Variants in WASHC5 observed in about 807,000 individuals in gnomAD.
The protein encoded by WASHC5 is WASH complex subunit 5.
WASHC5 carries 101 observed loss-of-function variants against 150.4 expected under a neutral mutation model. The ratio of observed to expected loss-of-function variants is 0.67; its 90% CI spans 0.57 to 0.79. WASHC5 has a LOEUF of 0.79. WASHC5 is among the 30% of genes least tolerant of loss of function. The pLI is 0.00. For synonymous variants in WASHC5, 467 were observed against 491.2 expected (o/e 0.95, Z 0.65); for missense variants, 1,195 against 1,396.3 (o/e 0.86, Z 2.30).
At chr8:125,059,322 G>A in intron 13 of WASHC5, 25 bp from the exon 14 acceptor site, 1 of 1,613,440 alleles carries the variant, frequency 6.2e-7, no homozygotes, top group South Asian at 1.1e-5. Flanking sequence ...GAAACGGTAA[G>A]AAGATGTTCC....
Position 125,082,461 on chromosome 8 carries a change from T to C in WASHC5, c.339A>G (p.Leu113=), listed in dbSNP as rs1563636630. The change falls in exon 4 of 29, where the codon CTA becomes CTG. Residue 113 remains leucine (L), a synonymous_variant. Coordinates refer to ENST00000318410, the MANE Select transcript of WASHC5 (RefSeq NM_014846.4). ...TATAAACCCCTTCATTGAGATCATC[T>C]AGATATCTAGAAATAAAACCACAGT... is the stretch of plus-strand genomic sequence containing the variant. ...HKYIVDLNRY[L]DDLNEGVYIQ... 2.6e-6 allele frequency: 4 copies of C among 1,532,056 alleles called. No individual in the cohort carries two copies. The highest frequency in any genetic ancestry group is 1.4e-5 in the African/African-American group (1 of 73,474). The allele number at this position is 1,532,056 out of a possible 1,614,324, so 94.9% of individuals were successfully genotyped here.
intron 17 of WASHC5, among the ~76,000 whole-genome samples, chr8:125,051,815 A>G (rs1475083424): frequency 1.3e-5 from 2 of 152,212 alleles, no homozygotes; most frequent in Non-Finnish European, 2.9e-5. Context: ...TGAACTCGGG[A>G]GGAGGAGGTT....
At chr8:125,035,145 C>A (rs1815661656) in intron 26 of WASHC5, among the ~76,000 whole-genome samples, 1 of 152,164 alleles carries the variant, frequency 6.6e-6, no homozygotes, top group African/African-American at 2.4e-5. Context: ...CTCAGTCCTA[C>A]TGTAATTTAG....
At chr8:125,086,219 G>A (rs1369598900) in intron 1 of WASHC5, among the ~76,000 whole-genome samples, 1 of 152,190 alleles carries the variant, frequency 6.6e-6, no homozygotes. Flanking sequence ...AGATCAAGGT[G>A]TTGGTAGGAC....
chr8:125,037,411 T>C, intron 25 of WASHC5, 78 bp from the exon 26 acceptor site: 1 of 917,232 alleles, frequency 1.1e-6, no homozygotes, highest in South Asian at 1.3e-5. Flanking sequence ...CAAATGAAAA[T>C]CTTCCATTTT....
intron 6 of WASHC5, among the ~76,000 whole-genome samples, chr8:125,077,901 A>AAACAAC (rs765826179): frequency 6.6e-6 from 1 of 152,026 alleles, no homozygotes; most frequent in Admixed American, 6.5e-5. Context: ...AATTGTCTTA[A>AAACAAC]AACAACAACA....
At chr8:125,066,583 G>A (rs949350822) in intron 10 of WASHC5, among the ~76,000 whole-genome samples, 14 of 152,132 alleles carry the variant, frequency 9.2e-5, no homozygotes, top group Non-Finnish European at 1.6e-4. Flanking sequence ...AGATGACCTT[G>A]TACAAATGCA....
chr8:125,032,179 G>T, intron 27 of WASHC5, 62 bp downstream of exon 27: 1 of 1,575,406 alleles, frequency 6.3e-7, no homozygotes, highest in Non-Finnish European at 8.7e-7. Context: ...ATTTGGTAAT[G>T]TGAGGTTTAA....
At chr8:125,025,437 C>G (rs550039521) in intron 28 of WASHC5, among the ~76,000 whole-genome samples, 2 of 152,248 alleles carry the variant, frequency 1.3e-5, no homozygotes, top group South Asian at 4.1e-4. Flanking sequence ...CGCCTGTAAT[C>G]CTGGCACTTT....
chr8:125,039,085 C>A, intron 24 of WASHC5, 126 bp from the exon 25 acceptor site: 1 of 1,035,660 alleles, frequency 9.7e-7, no homozygotes, highest in South Asian at 1.3e-5. Context: ...AGAGCTTGAT[C>A]TCGCTAATTC....
intron 16 of WASHC5, among the ~76,000 whole-genome samples, chr8:125,056,255 A>G (rs948942570): frequency 2.0e-5 from 3 of 152,182 alleles, no homozygotes; most frequent in African/African-American, 7.2e-5. Flanking sequence ...GGGGAGAAGA[A>G]CCTCTGAGGC....
intron 1 of WASHC5, among the ~76,000 whole-genome samples, chr8:125,090,854 A>C (rs1817595367): frequency 6.6e-6 from 1 of 152,234 alleles, no homozygotes; most frequent in African/African-American, 2.4e-5. Flanking sequence ...GTTGCTGATC[A>C]AGATAAATGC....
chr8:125,032,753 A>T, intron 26 of WASHC5: 3 of 301,508 alleles, frequency 9.9e-6, no homozygotes, highest in South Asian at 9.4e-5. Context: ...AGCATGACAT[A>T]CTAGATACCC....
intron 12 of WASHC5, among the ~76,000 whole-genome samples, chr8:125,060,116 T>C (rs1267720656): frequency 6.6e-6 from 1 of 152,196 alleles, no homozygotes; most frequent in Admixed American, 6.5e-5. Flanking sequence ...GTGAAAACAG[T>C]ATTAATTATA....
At position 125,067,664 on chromosome 8, in the gene WASHC5, G is replaced by A. The variant is rs141402708; in HGVS notation, c.1206C>T (p.Asp402=). ...AGAGGATCCTGGGATTGTACCGAGA[G>A]TCTGTTAGAATCTGGTCCTTGATTT... ...LRQIKDQILT[D]SRYNPRILFQ... The change falls in exon 10 of 29, where the codon GAC becomes GAT. Residue 402 remains aspartate (D), a synonymous_variant. Coordinates refer to ENST00000318410, the MANE Select transcript of WASHC5 (RefSeq NM_014846.4). 5 of 1,613,072 alleles carry A rather than the reference G, an allele frequency of 3.1e-6. No homozygotes were observed. The highest frequency in any genetic ancestry group is 1.3e-5 in the African/African-American group (1 of 74,868).
intron 9 of WASHC5, among the ~76,000 whole-genome samples, chr8:125,070,166 C>T (rs908336597): frequency 2.6e-5 from 4 of 152,204 alleles, no homozygotes; most frequent in African/African-American, 9.7e-5. Context: ...TTACAAGGTT[C>T]TGTACAAGCA....
intron 17 of WASHC5, among the ~76,000 whole-genome samples, chr8:125,054,566 G>A (rs901567499): frequency 2.0e-5 from 3 of 152,206 alleles, no homozygotes; most frequent in African/African-American, 7.2e-5. Flanking sequence ...GGGCGTGGTG[G>A]CTCATGCCTG....
intron 28 of WASHC5, among the ~76,000 whole-genome samples, chr8:125,025,859 A>ACACACACACACACACAC: frequency 8.5e-6 from 1 of 117,046 alleles, no homozygotes; most frequent in African/African-American, 5.0e-5. Flanking sequence ...CACACACACA[A>ACACACACACACACACAC]TCAAAATTAG....
In WASHC5 at chr8:125,081,727, A is replaced by G; in HGVS notation, c.452T>C (p.Leu151Pro). ...EALYLYGVMLLVIDQKIEGEV... is the reference protein window; with the variant it reads ...EALYLYGVMLPVIDQKIEGEV... The stretch of plus-strand genomic sequence containing the variant: ...TCCTTCAATCTTTTGGTCAATGACC[A>G]GTAGCATAACTCCATATAAGTACAG... The change falls in exon 5 of 29, where the codon CTG becomes CCG. Residue 151 changes from leucine (L) to proline (P), a missense_variant. Leu to Pro is a moderately conservative substitution (Grantham distance 98). This residue lies in a region of WASHC5 where 195 missense variants were observed against 206.9 expected (regional missense o/e 0.94). Coordinates refer to ENST00000318410, the MANE Select transcript of WASHC5 (RefSeq NM_014846.4). 1 of 1,612,642 alleles carries G rather than the reference A, an allele frequency of 6.2e-7. No homozygotes were observed. The highest frequency in any genetic ancestry group is 8.5e-7 in the Non-Finnish European group (1 of 1,178,746).
Sources: allele counts gnomAD v4.1 joint callset (sites outside exome capture counted in the v4.1 genomes callset), GRCh38; gene constraint gnomAD v4.1.1; regional missense constraint gnomAD v4.1.1; transcripts MANE v1.5; gene names NCBI Gene and HGNC (gene_info 2026-07-23, HGNC 2026-07-21).